Variants in RHBDF1 observed in about 807,000 individuals in gnomAD.
RHBDF1 encodes the protein inactive rhomboid protein 1.
A neutral mutation model predicts 98.6 loss-of-function variants in RHBDF1; 80 were observed. The observed-to-expected ratio is 0.81, with a 90% CI of 0.68 to 0.98. The LOEUF (loss-of-function observed/expected upper bound fraction) is 0.98. Among genes scored for constraint, RHBDF1 ranks in the 50% least tolerant of loss-of-function variants. The probability of loss-of-function intolerance (pLI) is 0.00; values close to 1 mark genes in which losing one functional copy is unlikely to be tolerated. For missense variants in RHBDF1, 1,116 were observed against 1,198.3 expected, an observed-to-expected ratio of 0.93 and a Z score of 1.01; for synonymous variants, 512 against 486.8, an observed-to-expected ratio of 1.05 and a Z score of -0.68.
intron 1 of RHBDF1, among the ~76,000 whole-genome samples, chr16:71,407 A>T (rs1897964711): frequency 1.3e-5 from 2 of 152,186 alleles, no homozygotes. Context: ...AGCCCCAGCC[A>T]GCTGCTTGGT....
At chr16:62,404 A>T in intron 7 of RHBDF1, 134 bp downstream of exon 7, 1 of 1,201,032 alleles carries the variant, frequency 8.3e-7, no homozygotes, top group Non-Finnish European at 1.2e-6. Context: ...CTGGTGGCCC[A>T]GTGAGTAGTG....
upstream of RHBDF1, chr16:72,697 A>C: frequency 1.0e-6 from 1 of 982,218 alleles, no homozygotes. Context: ...GCTGACTCAG[A>C]GCTCAGGAAT....
upstream of RHBDF1, among the ~76,000 whole-genome samples, chr16:73,388 G>A (rs577678699): frequency 8.5e-5 from 13 of 152,236 alleles, no homozygotes; most frequent in Admixed American, 4.6e-4. Context: ...CAGAGGCAGC[G>A]CAGTGTCTGG....
chr16:59,534 A>G, intron 14 of RHBDF1, 40 bp from the exon 15 acceptor site: 1 of 1,592,698 alleles, frequency 6.3e-7, no homozygotes, highest in South Asian at 1.1e-5. Context: ...GCTGCCTTGC[A>G]GAGGGGGATT....
intron 6 of RHBDF1, 25 bp downstream of exon 6, chr16:62,750 G>T: frequency 6.2e-7 from 1 of 1,614,058 alleles, no homozygotes. Flanking sequence ...ACGTGGGGTG[G>T]GGGGACACCC....
chr16:61,489 G>A (rs766596899), intron 9 of RHBDF1, 30 bp from the exon 10 acceptor site: 6 of 1,612,066 alleles, frequency 3.7e-6, no homozygotes, highest in Non-Finnish European at 5.1e-6. Context: ...GATCAGACGG[G>A]CCCCGACTCT....
chr16:60,609 G>A, intron 11 of RHBDF1, 70 bp from the exon 12 acceptor site: 2 of 1,190,050 alleles, frequency 1.7e-6, no homozygotes, highest in Non-Finnish European at 2.4e-6. Context: ...GGAGTCAGGA[G>A]TCGAAGGCAA....
Position 72,598 on chromosome 16 carries a change from C to CGCCCGCCCGCCGGTCCG in RHBDF1, c.-127_-111dup, listed in dbSNP as rs3842360. On this transcript the variant is annotated 5_prime_UTR_variant, in exon 1 of 18. Coordinates refer to ENST00000262316, the MANE Select transcript of RHBDF1 (RefSeq NM_022450.5). ...GCCGGGAGGGCCCGCGCCGAGTCCC[C>CGCCCGCCCGCCGGTCCG]GCCCGCCCGCCGGTCCGGCCCGCCC... 0.023 allele frequency: 22,815 copies of CGCCCGCCCGCCGGTCCG among 976,134 alleles called. 367 individuals are homozygous for CGCCCGCCCGCCGGTCCG. Among genetic ancestry groups the CGCCCGCCCGCCGGTCCG allele is most frequent in the East Asian group, 0.092 (789 of 8,580 alleles). 60.5% of individuals were successfully genotyped at this position (976,134 alleles called of 1,614,324 possible).
upstream of RHBDF1, among the ~76,000 whole-genome samples, chr16:74,152 C>T (rs1898043901): frequency 6.6e-6 from 1 of 152,182 alleles, no homozygotes; most frequent in Non-Finnish European, 1.5e-5. Flanking sequence ...AGTGCCAACA[C>T]TCAGTGCTCC....
chr16:72,497 G>T lies in RHBDF1; in HGVS notation c.-25+16C>A. 2 of 978,922 alleles carry T rather than the reference G, an allele frequency of 2.0e-6. No individual in the cohort carries two copies. Among genetic ancestry groups the T allele is most frequent in the South Asian group, 9.3e-5 (2 of 21,534 alleles). The allele number at this position is 978,922 out of a possible 1,614,324, so 60.6% of individuals were successfully genotyped here. On this transcript the variant is annotated intron_variant, in intron 1 of 17. Transcript: ENST00000262316. ...CCCGCCCCCGGAGCCCTGCGCTCCC[G>T]GCCGCGCTCACTCACTGCCGCCGCC... is the stretch of plus-strand genomic sequence containing the variant.
chr16:61,322 C>A, intron 10 of RHBDF1, 41 bp from the exon 11 acceptor site: 2 of 1,543,172 alleles, frequency 1.3e-6, no homozygotes, highest in Non-Finnish European at 8.7e-7. Context: ...CCGGGGCCTC[C>A]TGCCCCCGCC....
intron 1 of RHBDF1, among the ~76,000 whole-genome samples, chr16:65,711 G>A (rs553709259): frequency 2.6e-5 from 4 of 152,348 alleles, no homozygotes; most frequent in Non-Finnish European, 5.9e-5. Context: ...CAGCCTGCAA[G>A]AGGTGTGTGA....
intron 17 of RHBDF1, 76 bp from the exon 18 acceptor site, chr16:58,835 C>T: frequency 6.4e-7 from 1 of 1,561,044 alleles, no homozygotes; most frequent in Non-Finnish European, 8.7e-7. Context: ...ATCTTTCTGC[C>T]CCACTTCCCA....
intron 1 of RHBDF1, among the ~76,000 whole-genome samples, chr16:69,421 A>T (rs1897914760): frequency 6.6e-6 from 1 of 152,226 alleles, no homozygotes; most frequent in African/African-American, 2.4e-5. Flanking sequence ...GGTCAGCTGG[A>T]GCAAGGGGCC....
chr16:64,689 G>C lies in RHBDF1; in HGVS notation c.248+10C>G. 6.2e-7 allele frequency: 1 copy of C among 1,604,892 alleles called. No homozygotes were observed. Among genetic ancestry groups the C allele is most frequent in the Non-Finnish European group, 8.5e-7 (1 of 1,173,652 alleles). On this transcript the variant is annotated intron_variant, in intron 3 of 17. Transcript: ENST00000262316. The stretch of plus-strand genomic sequence containing the variant: ...TCCCACCCCATGGAGCAGCTGGGCG[G>C]TGTTGGTACCTGCGGATGGTCTGTG...
rs759118513 is a variant in RHBDF1, at chr16:61,913, C to T, written c.1093G>A (p.Ala365Thr). 1.9e-6 allele frequency: 3 copies of T among 1,603,618 alleles called. No individual in the cohort carries two copies. The highest frequency in any genetic ancestry group is 2.5e-6 in the Non-Finnish European group (3 of 1,179,600). Reference sequence around the variant, plus strand: ...AGCCCATACGGCCGCTTCTCCCGGGCGAAGAGCTTGCGCACCGGCACCGCG... The same window carrying T: ...AGCCCATACGGCCGCTTCTCCCGGGTGAAGAGCTTGCGCACCGGCACCGCG... ...RIAVPVRKLF[A>T]REKRPYGLGM... is the part of the protein sequence containing the mutation. The change falls in exon 8 of 18, where the codon GCC becomes ACC. Residue 365 changes from alanine (A) to threonine (T), a missense_variant. Coordinates refer to ENST00000262316, the MANE Select transcript of RHBDF1 (RefSeq NM_022450.5).
chr16:73,401 T>A (rs538674999), upstream of RHBDF1, among the ~76,000 whole-genome samples: 31 of 152,206 alleles, frequency 2.0e-4, no homozygotes, highest in African/African-American at 7.0e-4. Context: ...GTGTCTGGTG[T>A]CCACTCTGGG....
rs774914029 is a variant in RHBDF1, at chr16:61,586, G to A, written c.1319C>T (p.Ser440Leu). The A allele has an allele frequency of 1.9e-5, 30 of 1,612,974 alleles. No homozygotes were observed. The highest frequency in any genetic ancestry group is 2.3e-5 in the Non-Finnish European group (27 of 1,179,784). ...CCCAGGGAAGGCACAGGGGCTCACC[G>A]AGTCCACCGTCTCATGCTGCGAGAA... ...VGFSQHETVDSVLRNRGVYEN... is the reference protein window; with the variant it reads ...VGFSQHETVDLVLRNRGVYEN... Residue 440 changes from serine to leucine, a missense_variant and splice_region_variant, in exon 9 of 18, where the codon TCG (serine) becomes TTG (leucine). Transcript: ENST00000262316.
At chr16:70,790 C>T (rs924868704) in intron 1 of RHBDF1, among the ~76,000 whole-genome samples, 3 of 152,236 alleles carry the variant, frequency 2.0e-5, no homozygotes, top group Admixed American at 2.0e-4. Flanking sequence ...AGGCAGACCA[C>T]CTGGGTTCTT....
Sources: gnomAD v4.1 joint callset for allele counts (sites outside exome capture counted in the v4.1 genomes callset) on GRCh38, gnomAD v4.1.1 for gene constraint, MANE v1.5 for transcripts, NCBI Gene and HGNC (gene_info 2026-07-23, HGNC 2026-07-21) for gene names.